The following NOTCH3 variants were observed in gnomAD, a reference collection of about 807,000 sequenced individuals.
NOTCH3 encodes the protein notch receptor 3.
NOTCH3 carries 86 observed loss-of-function variants against 213.3 expected under a neutral mutation model. The ratio of observed to expected loss-of-function variants is 0.40; its 90% CI spans 0.34 to 0.48. NOTCH3 has a LOEUF of 0.48. Ranked by LOEUF, NOTCH3 falls within the 20% of genes least tolerant of loss-of-function variation. NOTCH3 has a pLI of 0.57. For missense variants in NOTCH3, 2,783 were observed against 3,272.6 expected, an observed-to-expected ratio of 0.85 and a Z score of 3.65; for synonymous variants, 1,354 against 1,355.9, an observed-to-expected ratio of 1.00 and a Z score of 0.03.
At chr19:15,178,232 G>A in intron 23 of NOTCH3, 142 bp from the exon 24 acceptor site, 1 of 581,548 alleles carries the variant, frequency 1.7e-6, no homozygotes, top group South Asian at 2.2e-5. Flanking sequence ...GGAAGGTTGA[G>A]ACCCCCTCAA....
At chr19:15,194,895 T>C (rs2145447416) in intron 2 of NOTCH3, among the ~76,000 whole-genome samples, 1 of 146,230 alleles carries the variant, frequency 6.8e-6, no homozygotes, top group East Asian at 2.0e-4. Flanking sequence ...AGATAGAGGC[T>C]GCAGTGAGCC....
intron 16 of NOTCH3, among the ~76,000 whole-genome samples, chr19:15,182,573 G>A (rs1451153533): frequency 6.6e-6 from 1 of 151,216 alleles, no homozygotes; most frequent in Non-Finnish European, 1.5e-5. Flanking sequence ...ATGTTGAAAT[G>A]ATATGTTAAT....
At chr19:15,184,213 A>G in intron 16 of NOTCH3, 82 bp downstream of exon 16, 1 of 1,348,342 alleles carries the variant, frequency 7.4e-7, no homozygotes, top group Non-Finnish European at 1.1e-6. Flanking sequence ...AGATGAAATG[A>G]CAGCACAGTG....
At chr19:15,186,269 T>A (rs2046880304) in intron 12 of NOTCH3, among the ~76,000 whole-genome samples, 1 of 152,048 alleles carries the variant, frequency 6.6e-6, no homozygotes, top group Non-Finnish European at 1.5e-5. Flanking sequence ...CCTAGCAAAG[T>A]CACATTCATT....
intron 8 of NOTCH3, 60 bp downstream of exon 8, chr19:15,188,929 C>T: frequency 1.3e-6 from 2 of 1,529,778 alleles, no homozygotes; most frequent in Non-Finnish European, 8.9e-7. Context: ...TCCCCATCCG[C>T]GGGCTTCTCT....
rs146925492 is a variant in NOTCH3, at chr19:15,179,837, C to T, written c.3327+235G>A. ...GGCAAAGGTTGCAGTGAGCTGAGAT[C>T]GCGCCACTGCACTCGTCTGGGTGAC... is the stretch of plus-strand genomic sequence containing the variant. On this transcript the variant is annotated intron_variant, in intron 20 of 32. Transcript: ENST00000263388. Among the ~76,000 whole-genome samples the T allele has an allele frequency of 9.8e-3, 1,485 of 151,980 alleles. 10 individuals are homozygous for T. Among genetic ancestry groups the T allele is most frequent in the Middle Eastern group, 0.02 (6 of 294 alleles).
chr19:15,166,503 A>T (rs1425415466), intron 29 of NOTCH3, among the ~76,000 whole-genome samples: 1 of 50,570 alleles, frequency 2.0e-5, no homozygotes, highest in Non-Finnish European at 7.3e-5. Context: ...TGAGTGTTTT[A>T]AAAGGGGGGG....
intron 25 of NOTCH3, among the ~76,000 whole-genome samples, chr19:15,172,564 A>T (rs1599371605): frequency 6.6e-6 from 1 of 150,398 alleles, no homozygotes; most frequent in South Asian, 2.1e-4. Flanking sequence ...TGTATCAGAG[A>T]CCCACCCCTC....
chr19:15,192,204 G>A lies in NOTCH3; in HGVS notation c.435C>T (p.Ser145=), dbSNP rs1276774844. The A allele has an allele frequency of 4.3e-6, 7 of 1,611,610 alleles. No homozygotes were observed. Among genetic ancestry groups the A allele is most frequent in the African/African-American group, 1.3e-5 (1 of 75,024 alleles). ...SVGPDGRFLC[S]CPPGYQGRSC... ...TGCGGCCCTGGTAGCCAGGTGGGCA[G>A]GAGCAGAGGAAGCGTCCATCGGGCC... is the stretch of plus-strand genomic sequence containing the variant. Residue 145 remains serine, a synonymous_variant, in exon 4 of 33, where the codon TCC becomes TCT. Coordinates refer to ENST00000263388, the MANE Select transcript of NOTCH3 (RefSeq NM_000435.3).
chr19:15,177,430 A>T lies in NOTCH3; in HGVS notation c.4403+95T>A, dbSNP rs911055210. ...AGTGCACAGAGAAACAGACGGGGCA[A>T]GTGGATGGGCAGGTGGAAAGAGAGG... On this transcript the variant is annotated intron_variant, in intron 24 of 32. Coordinates refer to ENST00000263388, the MANE Select transcript of NOTCH3 (RefSeq NM_000435.3). 7 of 1,145,372 alleles carry T rather than the reference A, an allele frequency of 6.1e-6. No homozygotes were observed. The African/African-American group carries it at 6.1e-5, about 10-fold the overall frequency. The allele number at this position is 1,145,372 out of a possible 1,614,324, so 71.0% of individuals were successfully genotyped here. A position where few individuals can be genotyped will look rare whatever the true frequency, so the allele number is the denominator to read the frequency against.
chr19:15,161,860 C>T, intron 32 of NOTCH3, 146 bp from the exon 33 acceptor site: 1 of 684,950 alleles, frequency 1.5e-6, no homozygotes, highest in Non-Finnish European at 2.4e-6. Flanking sequence ...CTGGGGGAGC[C>T]TGGACAAGTT....
At chr19:15,197,442 C>CGGCG in intron 2 of NOTCH3, 58 bp downstream of exon 2, 2 of 620,830 alleles carry the variant, frequency 3.2e-6, no homozygotes, top group East Asian at 3.4e-5. Context: ...AGACAAATCG[C>CGGCG]CCCTCCCCCC....
At chr19:15,178,169 G>T in intron 23 of NOTCH3, 79 bp from the exon 24 acceptor site, 1 of 908,074 alleles carries the variant, frequency 1.1e-6, no homozygotes, top group Non-Finnish European at 1.7e-6. Context: ...ATGGAGGAGT[G>T]GGGAAAAGAA....
intron 24 of NOTCH3, 21 bp downstream of exon 24, chr19:15,177,504 C>G (rs2046801577): frequency 3.8e-6 from 6 of 1,599,278 alleles, no homozygotes; most frequent in Middle Eastern, 1.7e-4. Flanking sequence ...ACAGACGGAT[C>G]GATCGGGTGG....
At chr19:15,166,182 A>C in intron 29 of NOTCH3, 91 bp from the exon 30 acceptor site, 1 of 1,124,546 alleles carries the variant, frequency 8.9e-7, no homozygotes, top group Non-Finnish European at 1.3e-6. Flanking sequence ...AGCTAATGGG[A>C]CACATGGAAA....
intron 15 of NOTCH3, 71 bp from the exon 16 acceptor site, chr19:15,184,521 A>G (rs1362197893): frequency 2.7e-6 from 4 of 1,495,304 alleles, no homozygotes; most frequent in South Asian, 1.1e-5. Context: ...CCTGGGGCTC[A>G]GGAAGAACCT....
At chr19:15,162,032 AG>A (rs2046649284) in intron 32 of NOTCH3, among the ~76,000 whole-genome samples, 1 of 124,316 alleles carries the variant, frequency 8.0e-6, no homozygotes, top group Non-Finnish European at 1.6e-5. Flanking sequence ...CCCAGGCTGG[AG>A]TGCAGTGGCG....
In NOTCH3 at chr19:15,185,568, A is replaced by T; in HGVS notation, c.2063T>A (p.Leu688Ter). 1 of 1,611,826 alleles carries T rather than the reference A, an allele frequency of 6.2e-7. No individual in the cohort carries two copies. The highest frequency in any genetic ancestry group is 8.5e-7 in the Non-Finnish European group (1 of 1,179,484). ...GFRCLCPPGS[L>*]PPLCLPPSHP... Reference sequence around the variant, plus strand: ...GCTCGGGGGGAGGCAGAGTGGGGGCAAGGAGCCAGGCGGGCAGAGGCAGCG... The same window carrying T: ...GCTCGGGGGGAGGCAGAGTGGGGGCTAGGAGCCAGGCGGGCAGAGGCAGCG... The change falls in exon 13 of 33, where the codon TTG (leucine) becomes TAG (stop). Residue 688 changes from leucine to a stop codon, truncating the protein, a stop_gained. Coordinates refer to ENST00000263388, the MANE Select transcript of NOTCH3 (RefSeq NM_000435.3). LOFTEE classifies it high-confidence loss of function. This position sits in a 1 kb window ranked among gnomAD's most constrained non-coding sequence, Gnocchi z 4.2.
rs763718957 is a variant in NOTCH3, at chr19:15,181,629, C to T, written c.2739G>A (p.Pro913=). The change falls in exon 17 of 33, where the codon CCG becomes CCA. Residue 913 remains proline (P), a synonymous_variant. Coordinates refer to ENST00000263388, the MANE Select transcript of NOTCH3 (RefSeq NM_000435.3). ...DHVASFTCTC[P]PGYGGFHCEQ... ...CGCAGTGGAAGCCTCCGTAGCCTGG[C>T]GGGCAGGTGCAGGTGAAGGAGGCCA... 19 of 1,551,192 alleles carry T rather than the reference C, an allele frequency of 1.2e-5. No individual in the cohort carries two copies. The highest frequency in any genetic ancestry group is 1.6e-5 in the Non-Finnish European group (18 of 1,147,214).
Sources: gnomAD v4.1 joint callset for allele counts (sites outside exome capture counted in the v4.1 genomes callset) on GRCh38, gnomAD v4.1.1 for gene constraint, Gnocchi (gnomAD v3.1) non-coding constraint, MANE v1.5 for transcripts, NCBI Gene and HGNC (gene_info 2026-07-23, HGNC 2026-07-21) for gene names.